TTC21A: variants seen among roughly 807,000 people sequenced by gnomAD.
TTC21A encodes tetratricopeptide repeat protein 21A.
A neutral mutation model predicts 156.4 loss-of-function variants in TTC21A; 128 were observed. The observed-to-expected ratio is 0.82, with a 90% CI of 0.71 to 0.95. The LOEUF is 0.95. TTC21A is among the 40% of genes least tolerant of loss of function. The pLI, the probability that TTC21A is intolerant of heterozygous loss-of-function variation, is 0.00. For missense variants in TTC21A, 1,435 were observed against 1,602.3 expected (o/e 0.90, Z 1.78); for synonymous variants, 587 against 617.1 (o/e 0.95, Z 0.72).
In TTC21A at chr3:39,138,868, G is replaced by T; in HGVS notation, c.*80G>T. On this transcript the variant is annotated 3_prime_UTR_variant, in exon 29 of 29. Transcript: ENST00000683103. ...GAGGGATGGAAAGTGGGTCAGTGGA[G>T]AAGGGATTCAGAAAATGACACATTC... The T allele has an allele frequency of 8.5e-7, 1 of 1,182,598 alleles. No homozygotes were observed. The highest frequency in any genetic ancestry group is 1.2e-6 in the Non-Finnish European group (1 of 816,072). 73.3% of individuals were successfully genotyped at this position (1,182,598 alleles called of 1,614,324 possible).
intron 6 of TTC21A, among the ~76,000 whole-genome samples, chr3:39,116,651 T>A (rs1487727643): frequency 6.6e-6 from 1 of 152,080 alleles, no homozygotes; most frequent in African/African-American, 2.4e-5. Flanking sequence ...ATTTTTTTTA[T>A]AAGCTATTTT....
intron 9 of TTC21A, among the ~76,000 whole-genome samples, chr3:39,123,336 G>T (rs935916149): frequency 6.6e-6 from 1 of 152,174 alleles, no homozygotes; most frequent in African/African-American, 2.4e-5. Context: ...AGAATAGCTT[G>T]CTTCAAACAG....
intron 11 of TTC21A, 127 bp downstream of exon 11, chr3:39,125,659 C>A: frequency 2.7e-6 from 2 of 733,864 alleles, no homozygotes; most frequent in South Asian, 1.6e-5. Flanking sequence ...CCTTGGGCAG[C>A]TGGGGAGCCC....
At position 39,128,454 on chromosome 3, in the gene TTC21A, ACTGCTTAGAGCTGGGT is replaced by A. The variant is rs779666006; in HGVS notation, c.1647_1662del (p.His549GlnfsTer32). 1.2e-6 allele frequency: 2 copies of A among 1,614,146 alleles called. No homozygotes were observed. Among genetic ancestry groups the A allele is most frequent in the Admixed American group, 3.3e-5 (2 of 60,022 alleles). On this transcript the variant is annotated frameshift_variant, in exon 13 of 29. Coordinates refer to ENST00000683103, the MANE Select transcript of TTC21A (RefSeq NM_001366900.1). LOFTEE classifies it high-confidence loss of function. ...CAGGGCAACTTTGGCATGTGCTTCCACTGCTTAGAGCTGGGTGTCAGCCACAACTTCCAGGTGGGTG... is the reference window on the plus strand; with the variant it reads ...CAGGGCAACTTTGGCATGTGCTTCCAGTCAGCCACAACTTCCAGGTGGGTG...
chr3:39,109,954 G>A (rs534155033), intron 2 of TTC21A, 75 bp from the exon 3 acceptor site: 78 of 1,087,964 alleles, frequency 7.2e-5, no homozygotes, highest in Non-Finnish European at 1.0e-4. Flanking sequence ...GTGCTGAGCT[G>A]TTGGGTCAGC....
chr3:39,131,488 A>C (rs986455171), intron 19 of TTC21A: 1 of 163,578 alleles, frequency 6.1e-6, no homozygotes, highest in Non-Finnish European at 1.3e-5. Context: ...CCCATGTAGC[A>C]GATAAGTCTC....
At position 39,136,045 on chromosome 3, in the gene TTC21A, G is replaced by A. The variant is rs531131311; in HGVS notation, c.2945-312G>A. Among the ~76,000 whole-genome samples, 325 of 149,658 alleles carry A rather than the reference G, an allele frequency of 2.2e-3. 1 individual carries two copies. The highest frequency in any genetic ancestry group is 7.6e-3 in the African/African-American group (307 of 40,538). On this transcript the variant is annotated intron_variant, in intron 22 of 28. Transcript: ENST00000683103. ...TGCACTCCAGCCTGGGTGACAGGGCGAGACTCCGTCTCAAAAAAAAAAAAA... is the reference window on the plus strand; with the variant it reads ...TGCACTCCAGCCTGGGTGACAGGGCAAGACTCCGTCTCAAAAAAAAAAAAA...
Position 39,134,207 on chromosome 3 carries a change from C to T in TTC21A, c.2752-11C>T. The T allele has an allele frequency of 6.3e-7, 1 of 1,594,416 alleles. No homozygotes were observed. Among genetic ancestry groups the T allele is most frequent in the East Asian group, 2.2e-5 (1 of 44,784 alleles). On this transcript the variant is annotated splice_polypyrimidine_tract_variant and intron_variant, in intron 20 of 28. Transcript: ENST00000683103. This position sits in a 1 kb window ranked among gnomAD's most constrained non-coding sequence, Gnocchi z 4.6. ...TTACTAGTTAGTTTATTATATCCGG[C>T]CTTGTCCCAGGTGATGCTGGAGCTG... is the stretch of plus-strand genomic sequence containing the variant.
chr3:39,110,955 C>T lies in TTC21A; in HGVS notation c.373C>T (p.Arg125Cys), dbSNP rs781132950. 86 of 1,613,952 alleles carry T rather than the reference C, an allele frequency of 5.3e-5. 2 individuals are homozygous for T. The East Asian group carries it at 7.8e-4, about 15-fold the overall frequency. Residue 125 changes from arginine to cysteine, a missense_variant, in exon 4 of 29, where the codon CGC becomes TGC. By Grantham distance (180) the Arg-to-Cys change is radical. Coordinates refer to ENST00000683103, the MANE Select transcript of TTC21A (RefSeq NM_001366900.1). ...YAGLFLWLIG[R>C]HDKAKEYIDR... ...TGGCCTTTTCCTCTGGCTCATAGGCCGCCATGACAAGGCCAAAGAGTACAT... is the reference window on the plus strand; with the variant it reads ...TGGCCTTTTCCTCTGGCTCATAGGCTGCCATGACAAGGCCAAAGAGTACAT...
Position 39,125,418 on chromosome 3 carries a change from G to C in TTC21A, c.1278G>C (p.Glu426Asp). 6.2e-7 allele frequency: 1 copy of C among 1,614,156 alleles called. No homozygotes were observed. The highest frequency in any genetic ancestry group is 8.5e-7 in the Non-Finnish European group (1 of 1,179,986). ...ETTALLKEAV[E>D]LHFSSMQGIP... ...CAGCGCTCCTGAAGGAGGCAGTGGAGCTTCACTTCTCCAGCATGCAAGGCA... is the reference window on the plus strand; with the variant it reads ...CAGCGCTCCTGAAGGAGGCAGTGGACCTTCACTTCTCCAGCATGCAAGGCA... Residue 426 changes from glutamate (E) to aspartate (D), a missense_variant, in exon 11 of 29, where the codon GAG (glutamate) becomes GAC (aspartate). Transcript: ENST00000683103.
intron 24 of TTC21A, 63 bp from the exon 25 acceptor site, chr3:39,137,132 C>A: frequency 6.3e-7 from 1 of 1,599,370 alleles, no homozygotes; most frequent in East Asian, 2.2e-5. Context: ...GGGTTGAAGC[C>A]AGGTGAGGGC....
intron 9 of TTC21A, among the ~76,000 whole-genome samples, chr3:39,124,386 G>T (rs917130777): frequency 6.6e-6 from 1 of 152,076 alleles, no homozygotes; most frequent in Non-Finnish European, 1.5e-5. Flanking sequence ...GTGGCCAGGC[G>T]CAGTGGCTCA....
chr3:39,137,042 A>T lies in TTC21A; in HGVS notation c.3239A>T (p.Asn1080Ile). 1 of 1,611,924 alleles carries T rather than the reference A, an allele frequency of 6.2e-7. No individual in the cohort carries two copies. Among genetic ancestry groups the T allele is most frequent in the Non-Finnish European group, 8.5e-7 (1 of 1,179,412 alleles). ...GTTGTGGGCGGAGAGGCTTTTGAGA[A>T]CCAGGGAGCTGAGAGCAAGTAAGGG... Reference protein sequence around the residue: ...NEVVGGEAFENQGAESNYMEK... With the variant: ...NEVVGGEAFEIQGAESNYMEK... The change falls in exon 24 of 29, where the codon AAC (asparagine) becomes ATC (isoleucine). Residue 1080 changes from asparagine to isoleucine, a missense_variant. Transcript: ENST00000683103.
intron 11 of TTC21A, 26 bp from the exon 12 acceptor site, chr3:39,126,235 C>T (rs908132966): frequency 3.7e-6 from 6 of 1,613,722 alleles, no homozygotes; most frequent in Non-Finnish European, 4.2e-6. Flanking sequence ...AAACCTACTC[C>T]CACCTCCACC....
At chr3:39,127,533 C>T (rs900238588) in intron 12 of TTC21A, among the ~76,000 whole-genome samples, 1 of 152,204 alleles carries the variant, frequency 6.6e-6, no homozygotes, top group African/African-American at 2.4e-5. Flanking sequence ...CACATTTCCA[C>T]AGCACATAAG....
At chr3:39,126,135 C>T (rs2125822441) in intron 11 of TTC21A, 126 bp from the exon 12 acceptor site, 1 of 1,207,038 alleles carries the variant, frequency 8.3e-7, no homozygotes, top group Non-Finnish European at 1.2e-6. Flanking sequence ...CTAGGTGATA[C>T]AGAGGATAAT....
At chr3:39,108,994 G>T (rs991981968) in intron 1 of TTC21A, 91 bp from the exon 2 acceptor site, 98 of 1,416,782 alleles carry the variant, frequency 6.9e-5, no homozygotes, top group Non-Finnish European at 8.9e-5. Flanking sequence ...AGGAGCAGGG[G>T]ATAGGGAAGG....
At chr3:39,121,612 A>C (rs1395833408) in intron 9 of TTC21A, among the ~76,000 whole-genome samples, 2 of 152,222 alleles carry the variant, frequency 1.3e-5, no homozygotes, top group Admixed American at 1.3e-4. Context: ...CACCAAAAAG[A>C]GTAGCTCTGA....
chr3:39,125,392 A>C lies in TTC21A; in HGVS notation c.1252A>C (p.Thr418Pro). ...SRKHKGEEET[T>P]ALLKEAVELH... ...GAAGCACAAGGGGGAGGAAGAGACC[A>C]CAGCGCTCCTGAAGGAGGCAGTGGA... The change falls in exon 11 of 29, where the codon ACA (threonine) becomes CCA (proline). Residue 418 changes from threonine to proline, a missense_variant. By Grantham distance (38) the Thr-to-Pro change is conservative. Coordinates refer to ENST00000683103, the MANE Select transcript of TTC21A (RefSeq NM_001366900.1). 6.2e-7 allele frequency: 1 copy of C among 1,614,218 alleles called. No individual in the cohort carries two copies. Among genetic ancestry groups the C allele is most frequent in the East Asian group, 2.2e-5 (1 of 44,884 alleles).
Sources: allele counts gnomAD v4.1 joint callset (sites outside exome capture counted in the v4.1 genomes callset), GRCh38; gene constraint gnomAD v4.1.1; non-coding constraint Gnocchi (gnomAD v3.1); transcripts MANE v1.5; gene names NCBI Gene and HGNC (gene_info 2026-07-23, HGNC 2026-07-21).